DPYSL5: variants seen among roughly 807,000 people sequenced by gnomAD.
DPYSL5 encodes dihydropyrimidinase-related protein 5.
A neutral mutation model predicts 58.4 loss-of-function variants in DPYSL5; 9 were observed. That is an observed-to-expected ratio of 0.15 (90% CI 0.09 to 0.27). The LOEUF (loss-of-function observed/expected upper bound fraction) is 0.27. Among genes scored for constraint, DPYSL5 ranks in the 10% least tolerant of loss-of-function variants. The pLI, the probability that DPYSL5 is intolerant of heterozygous loss-of-function variation, is 1.00. For missense variants in DPYSL5, 499 were observed against 770.6 expected, an observed-to-expected ratio of 0.65 and a Z score of 4.17; for synonymous variants, 293 against 301.9, an observed-to-expected ratio of 0.97 and a Z score of 0.31.
Position 26,942,683 on chromosome 2 carries a change from C to G in DPYSL5, c.1373C>G (p.Thr458Ser), listed in dbSNP as rs1665355557. The G allele has an allele frequency of 6.2e-7, 1 of 1,613,998 alleles. No individual in the cohort carries two copies. The highest frequency in any genetic ancestry group is 8.5e-7 in the Non-Finnish European group (1 of 1,180,006). Residue 458 changes from threonine (T) to serine (S), a missense_variant, in exon 11 of 13, where the codon ACC becomes AGC. Around this residue, in one of 3 missense-constraint regions of DPYSL5, gnomAD observed 404 missense variants for 647.6 expected, o/e 0.62. Transcript: ENST00000288699. The surrounding 1 kb of genome is among the most constrained non-coding windows in gnomAD (Gnocchi z 5.9). The stretch of plus-strand genomic sequence containing the variant: ...GGCGTCTTCATGTGCGCCGAGGGCA[C>G]CGGCAAGTTCTGTCCCCTGAGGTCC... The part of the protein sequence containing the change: ...ENGVFMCAEG[T>S]GKFCPLRSFP...
At chr2:26,914,574 A>G (rs908465718) in intron 2 of DPYSL5, among the ~76,000 whole-genome samples, 2 of 152,160 alleles carry the variant, frequency 1.3e-5, no homozygotes, top group Non-Finnish European at 2.9e-5. Context: ...CAGCTTACCA[A>G]TCAGGCCTGT....
In DPYSL5 at chr2:26,934,705, C is replaced by G. The variant is rs777406744; in HGVS notation, c.918C>G (p.Thr306=). The change falls in exon 8 of 13, where the codon ACC becomes ACG. Residue 306 remains threonine, a synonymous_variant. Coordinates refer to ENST00000288699, the MANE Select transcript of DPYSL5 (RefSeq NM_020134.4). This position sits in a 1 kb window ranked among gnomAD's most constrained non-coding sequence, Gnocchi z 4.3. ...CTCCCCTGAGACTGGACACCAACACCTCAACCTACCTCATGAGCCTGCTGG... is the reference window on the plus strand; with the variant it reads ...CTCCCCTGAGACTGGACACCAACACGTCAACCTACCTCATGAGCCTGCTGG... ...TVPPLRLDTN[T]STYLMSLLAN... The G allele has an allele frequency of 6.2e-7, 1 of 1,614,184 alleles. No individual in the cohort carries two copies. Among genetic ancestry groups the G allele is most frequent in the Non-Finnish European group, 8.5e-7 (1 of 1,180,032 alleles).
At position 26,934,124 on chromosome 2, in the gene DPYSL5, T is replaced by G. The variant is rs1665109347; in HGVS notation, c.791-454T>G. Among the ~76,000 whole-genome samples, 1 of 152,110 alleles carries G rather than the reference T, an allele frequency of 6.6e-6. No homozygotes were observed. Among genetic ancestry groups the G allele is most frequent in the South Asian group, 2.1e-4 (1 of 4,828 alleles). On this transcript the variant is annotated intron_variant, in intron 7 of 12. Coordinates refer to ENST00000288699, the MANE Select transcript of DPYSL5 (RefSeq NM_020134.4). The surrounding 1 kb of genome is among the most constrained non-coding windows in gnomAD (Gnocchi z 4.3). ...ACTGCTCCCACCTCCTGTCTCCCTG[T>G]CCTCCAGCCCTGCTACGGCCCTCCC... is the stretch of plus-strand genomic sequence containing the variant.
chr2:26,908,441 C>T (rs898712857), intron 2 of DPYSL5, among the ~76,000 whole-genome samples: 1 of 152,218 alleles, frequency 6.6e-6, no homozygotes. Flanking sequence ...CAGCTACTTG[C>T]TTAACAAAAC....
intron 8 of DPYSL5, among the ~76,000 whole-genome samples, chr2:26,935,884 G>T (rs147849593): frequency 6.6e-6 from 1 of 152,198 alleles, no homozygotes; most frequent in Non-Finnish European, 1.5e-5. Flanking sequence ...CTCCCAGCTT[G>T]CAGCACTGGC....
chr2:26,911,726 T>A (rs1664446325), intron 2 of DPYSL5, among the ~76,000 whole-genome samples: 1 of 152,184 alleles, frequency 6.6e-6, no homozygotes, highest in South Asian at 2.1e-4. Context: ...CCATCGCCCC[T>A]CTCCCTTTCC....
chr2:26,939,826 G>C, intron 8 of DPYSL5: 1 of 597,214 alleles, frequency 1.7e-6, no homozygotes, highest in Non-Finnish European at 2.9e-6. Flanking sequence ...CAGACAGACT[G>C]TGCCACACTC....
Position 26,924,892 on chromosome 2 carries a change from A to G in DPYSL5, c.267A>G (p.Ala89=). The G allele has an allele frequency of 6.2e-7, 1 of 1,613,596 alleles. No homozygotes were observed. Among genetic ancestry groups the G allele is most frequent in the Non-Finnish European group, 8.5e-7 (1 of 1,179,776 alleles). Residue 89 remains alanine (A), a synonymous_variant, in exon 3 of 13, where the codon GCA becomes GCG. Transcript: ENST00000288699. This position sits in a 1 kb window ranked among gnomAD's most constrained non-coding sequence, Gnocchi z 4.7. ...GCCTTTTCCCGTCTTCCCAGGCAGC[A>G]CTCGTCGGAGGCACCACCATGATCA... ...VDDFYHGTKA[A]LVGGTTMIIG...
chr2:26,858,987 A>C (rs1424184988), intron 1 of DPYSL5, among the ~76,000 whole-genome samples: 2 of 152,194 alleles, frequency 1.3e-5, no homozygotes, highest in Non-Finnish European at 2.9e-5. Context: ...ATTCCATTCA[A>C]GCCTTTGTCC....
chr2:26,931,675 T>G lies in DPYSL5; in HGVS notation c.705T>G (p.Ile235Met). The G allele has an allele frequency of 6.2e-7, 1 of 1,613,960 alleles. No homozygotes were observed. Among genetic ancestry groups the G allele is most frequent in the Non-Finnish European group, 8.5e-7 (1 of 1,179,928 alleles). Reference protein sequence around the residue: ...EAEATHRVITIANRTHCPIYL... With the variant: ...EAEATHRVITMANRTHCPIYL... The stretch of plus-strand genomic sequence containing the variant: ...AAGCCACTCATCGTGTTATCACCAT[T>G]GCAAACAGGGTAAGTCCCCCGATGT... The change falls in exon 6 of 13, where the codon ATT becomes ATG. Residue 235 changes from isoleucine (I) to methionine (M), a missense_variant. By Grantham distance (10) the Ile-to-Met change is conservative. Coordinates refer to ENST00000288699, the MANE Select transcript of DPYSL5 (RefSeq NM_020134.4).
At chr2:26,928,179 T>A in intron 4 of DPYSL5, 76 bp from the exon 5 acceptor site, 1 of 1,465,214 alleles carries the variant, frequency 6.8e-7, no homozygotes, top group Non-Finnish European at 9.5e-7. Flanking sequence ...CATATTTCAC[T>A]GTCCCTTGGG....
intron 2 of DPYSL5, among the ~76,000 whole-genome samples, chr2:26,900,213 A>T (rs183110472): frequency 6.6e-6 from 1 of 152,244 alleles, no homozygotes; most frequent in Non-Finnish European, 1.5e-5. Context: ...CCCATCAGGG[A>T]TAACCACTAT....
intron 2 of DPYSL5, among the ~76,000 whole-genome samples, chr2:26,912,817 C>T (rs1664475682): frequency 6.6e-6 from 1 of 152,232 alleles, no homozygotes; most frequent in African/African-American, 2.4e-5. Context: ...AGTTTTCGCC[C>T]TGTAATTCAA....
At position 26,924,790 on chromosome 2, in the gene DPYSL5, C is replaced by A; in HGVS notation, c.262-97C>A. ...CCTCACAGCCTCTTGTGAGGCAGGGCCTGTCTTTGAATGGACCATGAGGAC... is the reference window on the plus strand; with the variant it reads ...CCTCACAGCCTCTTGTGAGGCAGGGACTGTCTTTGAATGGACCATGAGGAC... On this transcript the variant is annotated intron_variant, in intron 2 of 12. Coordinates refer to ENST00000288699, the MANE Select transcript of DPYSL5 (RefSeq NM_020134.4). This position sits in a 1 kb window ranked among gnomAD's most constrained non-coding sequence, Gnocchi z 4.7. 2.0e-5 allele frequency: 29 copies of A among 1,466,272 alleles called. No homozygotes were observed. Among genetic ancestry groups the A allele is most frequent in the Non-Finnish European group, 2.6e-5 (29 of 1,096,996 alleles). The allele number at this position is 1,466,272 out of a possible 1,614,324, so 90.8% of individuals were successfully genotyped here. A position where few individuals can be genotyped will look rare whatever the true frequency, so the allele number is the denominator to read the frequency against.
In DPYSL5 at chr2:26,889,360, C is replaced by T. The variant is rs374215354; in HGVS notation, c.-4-9136C>T. Among the ~76,000 whole-genome samples the T allele has an allele frequency of 7.2e-5, 11 of 152,132 alleles. No individual in the cohort carries two copies. The East Asian group carries it at 1.7e-3, about 24-fold the overall frequency. Reference sequence around the variant, plus strand: ...TCTCAGCTCACTGCAAGCGCTGCCTCCCGGGTTCACGCCATTCTCCTGCCT... The same window carrying T: ...TCTCAGCTCACTGCAAGCGCTGCCTTCCGGGTTCACGCCATTCTCCTGCCT... On this transcript the variant is annotated intron_variant, in intron 1 of 12. Coordinates refer to ENST00000288699, the MANE Select transcript of DPYSL5 (RefSeq NM_020134.4).
chr2:26,943,882 A>G (rs1180167195), intron 11 of DPYSL5, among the ~76,000 whole-genome samples: 2 of 152,228 alleles, frequency 1.3e-5, no homozygotes, highest in Non-Finnish European at 2.9e-5. Flanking sequence ...TCTCATCTCC[A>G]GATGGGGCTG....
chr2:26,921,599 G>C (rs949133498), intron 2 of DPYSL5, among the ~76,000 whole-genome samples: 35 of 152,144 alleles, frequency 2.3e-4, no homozygotes, highest in African/African-American at 8.0e-4. Context: ...TCATCCTGTG[G>C]GTTGGAATGG....
At chr2:26,890,562 G>T (rs1663852007) in intron 1 of DPYSL5, among the ~76,000 whole-genome samples, 2 of 152,214 alleles carry the variant, frequency 1.3e-5, no homozygotes, top group Non-Finnish European at 2.9e-5. Flanking sequence ...TGGGCCTGGA[G>T]GCTGGGCCAT....
At position 26,853,695 on chromosome 2, in the gene DPYSL5, C is replaced by G. The variant is rs1412088981; in HGVS notation, c.-5+5441C>G. ...GTAGGGAAGGCTGGCAGACCGGAAA[C>G]TAGGCAGGAGCTCATGGTGCACTCT... On this transcript the variant is annotated intron_variant, in intron 1 of 12. Coordinates refer to ENST00000288699, the MANE Select transcript of DPYSL5 (RefSeq NM_020134.4). Among the ~76,000 whole-genome samples the G allele has an allele frequency of 2.6e-5, 4 of 152,170 alleles. No homozygotes were observed. The South Asian group carries it at 8.3e-4, about 32-fold the overall frequency.
Sources: allele counts gnomAD v4.1 joint callset (sites outside exome capture counted in the v4.1 genomes callset), GRCh38; gene constraint gnomAD v4.1.1; regional missense constraint gnomAD v4.1.1; non-coding constraint Gnocchi (gnomAD v3.1); transcripts MANE v1.5; gene names NCBI Gene and HGNC (gene_info 2026-07-23, HGNC 2026-07-21).